PLCL2: variants seen among roughly 807,000 people sequenced by gnomAD.
PLCL2 encodes the protein inactive phospholipase C-like protein 2.
In PLCL2, 4 loss-of-function variants were observed where a neutral mutation model predicts 79.6. The observed-to-expected ratio is 0.05, with a 90% CI of 0.02 to 0.11. The LOEUF (loss-of-function observed/expected upper bound fraction) is 0.11, where lower values mean the gene tolerates loss of function less well. Among genes scored for constraint, PLCL2 ranks in the 10% least tolerant of loss-of-function variants. PLCL2 has a pLI of 1.00. For missense variants in PLCL2, 895 were observed against 1,291.0 expected (o/e 0.69, Z 4.70); for synonymous variants, 484 against 457.7 (o/e 1.06, Z -0.73).
intron 5 of PLCL2, among the ~76,000 whole-genome samples, chr3:17,087,962 A>G (rs1256343539): frequency 1.3e-5 from 2 of 152,224 alleles, no homozygotes; most frequent in Non-Finnish European, 2.9e-5. Context: ...ACAATATGCT[A>G]TATATACAAA....
chr3:17,043,453 A>C (rs1225946991), intron 4 of PLCL2, among the ~76,000 whole-genome samples: 1 of 152,178 alleles, frequency 6.6e-6, no homozygotes, highest in Non-Finnish European at 1.5e-5. Flanking sequence ...GTTATACCAG[A>C]CTATAAAATT....
chr3:16,934,162 C>A (rs1228769744), intron 1 of PLCL2, among the ~76,000 whole-genome samples: 1 of 152,150 alleles, frequency 6.6e-6, no homozygotes, highest in Non-Finnish European at 1.5e-5. Context: ...AAAGGTCATG[C>A]AATGATAGAA....
In PLCL2 at chr3:17,006,185, G is replaced by T. The variant is rs79180093; in HGVS notation, c.328-3489G>T. On this transcript the variant is annotated intron_variant, in intron 1 of 5. Transcript: ENST00000615277. Reference sequence around the variant, plus strand: ...CATAAACAATAGATCCCAGCTCTCTGCTTCTGACCAGCTACTTAGCTTAGG... The same window carrying T: ...CATAAACAATAGATCCCAGCTCTCTTCTTCTGACCAGCTACTTAGCTTAGG... Among the ~76,000 whole-genome samples the T allele has an allele frequency of 3.4e-3, 520 of 152,302 alleles. 3 individuals are homozygous for T. The highest frequency in any genetic ancestry group is 0.012 in the African/African-American group (490 of 41,578).
At chr3:16,991,967 G>T (rs1197723841) in intron 1 of PLCL2, among the ~76,000 whole-genome samples, 1 of 152,052 alleles carries the variant, frequency 6.6e-6, no homozygotes, top group Admixed American at 6.6e-5. Flanking sequence ...CTAATTTTTA[G>T]GTGCATTTCT....
At chr3:17,029,121 T>C (rs916449373) in intron 3 of PLCL2, among the ~76,000 whole-genome samples, 6 of 152,088 alleles carry the variant, frequency 3.9e-5, no homozygotes, top group South Asian at 2.1e-4. Flanking sequence ...CTGGCTTTGC[T>C]GGTCCAAGAA....
At chr3:16,980,101 A>C (rs4685413) in intron 1 of PLCL2, among the ~76,000 whole-genome samples, 17,849 of 24,632 alleles carry the variant, frequency 0.72, 5,948 homozygotes, top group East Asian at 0.84. Flanking sequence ...GGGGCTGACC[A>C]CCCCACCTCC....
At chr3:16,890,887 G>A (rs929488099) in intron 1 of PLCL2, among the ~76,000 whole-genome samples, 2 of 152,222 alleles carry the variant, frequency 1.3e-5, no homozygotes, top group Non-Finnish European at 2.9e-5. Context: ...GGTGCCCAAA[G>A]TATATAACTC....
intron 1 of PLCL2, among the ~76,000 whole-genome samples, chr3:16,978,730 A>G (rs906841276): frequency 6.6e-6 from 1 of 152,254 alleles, no homozygotes; most frequent in Non-Finnish European, 1.5e-5. Flanking sequence ...CAGTTGCCAG[A>G]GGACATCGTG....
chr3:16,885,707 C>G (rs763452591), intron 1 of PLCL2, among the ~76,000 whole-genome samples: 4 of 152,160 alleles, frequency 2.6e-5, no homozygotes, highest in African/African-American at 9.7e-5. Context: ...TGTAAGATTT[C>G]TATTGTATCT....
chr3:16,992,043 A>G (rs2064109848), intron 1 of PLCL2, among the ~76,000 whole-genome samples: 1 of 152,236 alleles, frequency 6.6e-6, no homozygotes. Flanking sequence ...TGAAGAGTTG[A>G]ATTTTCAGAT....
intron 1 of PLCL2, among the ~76,000 whole-genome samples, chr3:16,953,113 A>G (rs1046583745): frequency 6.6e-6 from 1 of 152,178 alleles, no homozygotes. Context: ...TTGGAGCTTT[A>G]TGGGTAATGA....
chr3:16,990,414 T>C (rs1026411068), intron 1 of PLCL2, among the ~76,000 whole-genome samples: 1 of 152,202 alleles, frequency 6.6e-6, no homozygotes, highest in Non-Finnish European at 1.5e-5. Context: ...TCAGAGGCCC[T>C]GCGGAAGCAT....
chr3:16,992,202 C>G (rs868257634), intron 1 of PLCL2, among the ~76,000 whole-genome samples: 1 of 152,068 alleles, frequency 6.6e-6, no homozygotes, highest in Non-Finnish European at 1.5e-5. Flanking sequence ...GGGTGGTGAT[C>G]GGGGTGGAGT....
At chr3:16,966,520 A>T (rs1448733146) in intron 1 of PLCL2, among the ~76,000 whole-genome samples, 1 of 152,102 alleles carries the variant, frequency 6.6e-6, no homozygotes, top group Admixed American at 6.6e-5. Context: ...TATCAGGATG[A>T]TGTTGGCCTC....
intron 1 of PLCL2, among the ~76,000 whole-genome samples, chr3:16,973,399 T>C (rs2063893668): frequency 6.6e-6 from 1 of 150,948 alleles, no homozygotes. Flanking sequence ...ATCTGATGAC[T>C]GTGTCTTGGG....
intron 1 of PLCL2, among the ~76,000 whole-genome samples, chr3:16,995,901 T>C (rs2064148478): frequency 6.6e-6 from 1 of 152,204 alleles, no homozygotes; most frequent in Admixed American, 6.5e-5. Flanking sequence ...TGGTACTGAC[T>C]TTAAGCACAA....
At chr3:17,057,261 A>AT (rs1415554548) in intron 4 of PLCL2, among the ~76,000 whole-genome samples, 1 of 152,120 alleles carries the variant, frequency 6.6e-6, no homozygotes, top group Non-Finnish European at 1.5e-5. Context: ...AATATCCTTC[A>AT]TTTTTAACTC....
At chr3:16,991,495 C>G (rs985114127) in intron 1 of PLCL2, among the ~76,000 whole-genome samples, 1 of 152,142 alleles carries the variant, frequency 6.6e-6, no homozygotes, top group Non-Finnish European at 1.5e-5. Context: ...TTATTCTCTT[C>G]ATTCTTTTTG....
intron 4 of PLCL2, among the ~76,000 whole-genome samples, chr3:17,062,851 C>A (rs959669727): frequency 6.6e-6 from 1 of 152,066 alleles, no homozygotes; most frequent in African/African-American, 2.4e-5. Flanking sequence ...TATTTCTGAA[C>A]CTGAAGATTG....
Sources: gnomAD v4.1 joint callset for allele counts (sites outside exome capture counted in the v4.1 genomes callset) on GRCh38, gnomAD v4.1.1 for gene constraint, MANE v1.5 for transcripts, NCBI Gene and HGNC (gene_info 2026-07-23, HGNC 2026-07-21) for gene names.